PTPRJ: variants seen among roughly 807,000 people sequenced by gnomAD.
PTPRJ encodes protein tyrosine phosphatase receptor type J.
In PTPRJ, 129 loss-of-function variants were observed where a neutral mutation model predicts 141.3. The ratio of observed to expected loss-of-function variants is 0.91; its 90% CI spans 0.79 to 1.06. PTPRJ has a LOEUF of 1.06. Among genes scored for constraint, PTPRJ ranks in the 50% least tolerant of loss-of-function variants. PTPRJ has a pLI of 0.00. For missense variants in PTPRJ, 1,601 were observed against 1,679.7 expected, an observed-to-expected ratio of 0.95 and a Z score of 0.82; for synonymous variants, 610 against 640.5, an observed-to-expected ratio of 0.95 and a Z score of 0.72.
intron 10 of PTPRJ, among the ~76,000 whole-genome samples, chr11:48,139,128 G>A (rs946639588): frequency 5.3e-5 from 8 of 151,594 alleles, no homozygotes; most frequent in South Asian, 2.1e-4. Context: ...GCGAGACTCC[G>A]TCTCAAAAAA....
intron 1 of PTPRJ, among the ~76,000 whole-genome samples, chr11:48,058,322 C>T (rs550895904): frequency 3.3e-5 from 5 of 152,186 alleles, no homozygotes; most frequent in Admixed American, 2.0e-4. Flanking sequence ...CTCCTGCCTC[C>T]ACCTCCTGAA....
intron 3 of PTPRJ, among the ~76,000 whole-genome samples, chr11:48,114,062 A>C (rs968601921): frequency 1.3e-5 from 2 of 152,202 alleles, no homozygotes; most frequent in Non-Finnish European, 2.9e-5. Flanking sequence ...TAGTTTTGTT[A>C]GTTCTAGAAG....
At chr11:48,013,147 C>T (rs556265681) in intron 1 of PTPRJ, among the ~76,000 whole-genome samples, 3 of 151,868 alleles carry the variant, frequency 2.0e-5, no homozygotes, top group Non-Finnish European at 2.9e-5. Context: ...ATGTCAAGCC[C>T]CACGGGACTG....
At chr11:48,123,508 T>C (rs1013394217) in intron 4 of PTPRJ, 105 bp from the exon 5 acceptor site, 2 of 1,233,730 alleles carry the variant, frequency 1.6e-6, no homozygotes, top group Non-Finnish European at 2.2e-6. Context: ...TCATTCTTTC[T>C]TTTTTTCTTT....
intron 1 of PTPRJ, among the ~76,000 whole-genome samples, chr11:47,984,589 C>T (rs1295011392): frequency 6.6e-6 from 1 of 152,022 alleles, no homozygotes; most frequent in Non-Finnish European, 1.5e-5. Context: ...TAGGGAGTCC[C>T]ACTCTGTCAC....
intron 1 of PTPRJ, among the ~76,000 whole-genome samples, chr11:48,034,673 A>T (rs1854073680): frequency 2.0e-5 from 3 of 152,192 alleles, no homozygotes; most frequent in Non-Finnish European, 4.4e-5. Flanking sequence ...TTTTGCAGGC[A>T]AGAAAACAGG....
intron 1 of PTPRJ, among the ~76,000 whole-genome samples, chr11:48,102,207 C>T (rs543240692): frequency 1.4e-4 from 21 of 152,262 alleles, no homozygotes; most frequent in African/African-American, 4.1e-4. Context: ...AAATCAACAT[C>T]GTGGGGGCAG....
At chr11:48,110,211 T>C in intron 2 of PTPRJ, 135 bp downstream of exon 2, 3 of 1,054,154 alleles carry the variant, frequency 2.8e-6, no homozygotes, top group Non-Finnish European at 4.1e-6. Flanking sequence ...TTTCTTTTTC[T>C]TTTCTTTTTT....
At position 48,099,663 on chromosome 11, in the gene PTPRJ, C is replaced by T. The variant is rs997345923; in HGVS notation, c.97-10395C>T. The stretch of plus-strand genomic sequence containing the variant: ...CTATCTGATGCTCAGAGTTCTTTTT[C>T]CATTGCATGGATGTCAAATAAAAGT... On this transcript the variant is annotated intron_variant, in intron 1 of 24. Coordinates refer to ENST00000418331, the MANE Select transcript of PTPRJ (RefSeq NM_002843.4). Among the ~76,000 whole-genome samples, 5 of 152,110 alleles carry T rather than the reference C, an allele frequency of 3.3e-5. No homozygotes were observed. The East Asian group carries it at 9.7e-4, about 29-fold the overall frequency.
intron 1 of PTPRJ, among the ~76,000 whole-genome samples, chr11:48,069,087 C>T (rs1356878102): frequency 6.6e-6 from 1 of 151,584 alleles, no homozygotes; most frequent in East Asian, 1.9e-4. Flanking sequence ...AAGATGTGTA[C>T]CCATTTTCAA....
Position 48,137,439 on chromosome 11 carries a change from G to A in PTPRJ, c.2152+158G>A, listed in dbSNP as rs146554904. Among the ~76,000 whole-genome samples the A allele has an allele frequency of 5.4e-3, 829 of 152,230 alleles. 11 individuals carry two copies. The highest frequency in any genetic ancestry group is 0.019 in the African/African-American group (802 of 41,528). ...CCTGTTAGCTTATCGGTGCTGTCTCGATGCCCTCATCATTTCTGCATTCAA... is the reference window on the plus strand; with the variant it reads ...CCTGTTAGCTTATCGGTGCTGTCTCAATGCCCTCATCATTTCTGCATTCAA... On this transcript the variant is annotated intron_variant, in intron 10 of 24. Transcript: ENST00000418331.
intron 1 of PTPRJ, among the ~76,000 whole-genome samples, chr11:48,095,339 A>G (rs1472906499): frequency 1.3e-5 from 2 of 152,190 alleles, no homozygotes; most frequent in Non-Finnish European, 2.9e-5. Context: ...TGTTAATGCA[A>G]ACTTTGGAAG....
intron 5 of PTPRJ, 73 bp downstream of exon 5, chr11:48,123,943 A>C (rs1856773565): frequency 1.4e-6 from 2 of 1,479,788 alleles, no homozygotes; most frequent in South Asian, 2.6e-5. Flanking sequence ...CTAAAAAATA[A>C]ATTGCTCTTC....
At chr11:48,074,906 T>C (rs1403571840) in intron 1 of PTPRJ, among the ~76,000 whole-genome samples, 1 of 152,076 alleles carries the variant, frequency 6.6e-6, no homozygotes, top group African/African-American at 2.4e-5. Flanking sequence ...CTCCAAAAAT[T>C]TTATGTGGGT....
At chr11:48,078,493 T>G (rs1485110994) in intron 1 of PTPRJ, among the ~76,000 whole-genome samples, 1 of 152,172 alleles carries the variant, frequency 6.6e-6, no homozygotes, top group Non-Finnish European at 1.5e-5. Flanking sequence ...TTTGACCATT[T>G]TTAGAAGAGG....
At chr11:48,142,559 T>G (rs1857258103) in intron 11 of PTPRJ, among the ~76,000 whole-genome samples, 1 of 151,070 alleles carries the variant, frequency 6.6e-6, no homozygotes, top group African/African-American at 2.5e-5. Context: ...AAGTCTTTCA[T>G]CTCCTTGATT....
intron 1 of PTPRJ, among the ~76,000 whole-genome samples, chr11:48,084,368 G>T (rs895549898): frequency 1.3e-5 from 2 of 152,176 alleles, no homozygotes; most frequent in African/African-American, 4.8e-5. Context: ...ATTTTTAGCA[G>T]AGACGGGGTT....
chr11:48,162,701 G>C (rs1857816350), intron 22 of PTPRJ, among the ~76,000 whole-genome samples: 1 of 152,236 alleles, frequency 6.6e-6, no homozygotes, highest in South Asian at 2.1e-4. Flanking sequence ...ACATGGGTAT[G>C]GTCATTCCCT....
At chr11:48,108,097 T>C (rs1426977065) in intron 1 of PTPRJ, among the ~76,000 whole-genome samples, 1 of 152,094 alleles carries the variant, frequency 6.6e-6, no homozygotes, top group African/African-American at 2.4e-5. Context: ...AAAAAAGTTA[T>C]TCAAAAAATA....
Sources: allele counts gnomAD v4.1 joint callset (sites outside exome capture counted in the v4.1 genomes callset), GRCh38; gene constraint gnomAD v4.1.1; transcripts MANE v1.5; gene names NCBI Gene and HGNC (gene_info 2026-07-23, HGNC 2026-07-21).